PTPRZ1: variants seen among roughly 807,000 people sequenced by gnomAD.
PTPRZ1 encodes protein tyrosine phosphatase receptor type Z1.
PTPRZ1 carries 82 observed loss-of-function variants against 214.1 expected under a neutral mutation model. The observed-to-expected ratio is 0.38, with a 90% CI of 0.32 to 0.46. The LOEUF (loss-of-function observed/expected upper bound fraction) is 0.46, where lower values mean the gene tolerates loss of function less well. Among genes scored for constraint, PTPRZ1 ranks in the 20% least tolerant of loss-of-function variants. The pLI is 1.00. For missense variants in PTPRZ1, 2,603 were observed against 2,748.7 expected (o/e 0.95, Z 1.19); for synonymous variants, 945 against 987.9 (o/e 0.96, Z 0.81).
intron 6 of PTPRZ1, among the ~76,000 whole-genome samples, chr7:121,982,894 C>T (rs934049200): frequency 7.2e-5 from 11 of 152,100 alleles, no homozygotes; most frequent in African/African-American, 2.7e-4. Flanking sequence ...TCTCCTGCCT[C>T]AGACTCTTGA....
Position 121,983,787 on chromosome 7 carries a change from G to A in PTPRZ1, c.742G>A (p.Val248Ile). ...PPCTDTVDWI[V>I]FKDTVSISES... is the part of the protein sequence containing the mutation. ...CTGCACAGACACAGTTGACTGGATT[G>A]TTTTTAAAGATACAGTTAGCATCTC... The change falls in exon 7 of 30, where the codon GTT (valine) becomes ATT (isoleucine). Residue 248 changes from valine (V) to isoleucine (I), a missense_variant. Val to Ile is a conservative substitution (Grantham distance 29). Coordinates refer to ENST00000393386, the MANE Select transcript of PTPRZ1 (RefSeq NM_002851.3). The A allele has an allele frequency of 6.2e-7, 1 of 1,613,338 alleles. No individual in the cohort carries two copies. Among genetic ancestry groups the A allele is most frequent in the Non-Finnish European group, 8.5e-7 (1 of 1,179,850 alleles).
intron 1 of PTPRZ1, among the ~76,000 whole-genome samples, chr7:121,919,977 GA>G (rs199941761): frequency 1.3e-5 from 2 of 150,972 alleles, no homozygotes; most frequent in Admixed American, 6.6e-5. Flanking sequence ...CATTAATATG[GA>G]AAAAAAAATC....
intron 2 of PTPRZ1, among the ~76,000 whole-genome samples, chr7:121,959,786 T>C (rs1157870824): frequency 6.6e-6 from 1 of 152,206 alleles, no homozygotes. Flanking sequence ...AAACTAAAAT[T>C]TGAATCCAAG....
At position 122,040,813 on chromosome 7, in the gene PTPRZ1, C is replaced by T; in HGVS notation, c.5638-3C>T. ...CTGTTATTAACTGTCTGAACTTTTCCAGGGCTCCCAGAAAGGAAGACCCAG... is the reference window on the plus strand; with the variant it reads ...CTGTTATTAACTGTCTGAACTTTTCTAGGGCTCCCAGAAAGGAAGACCCAG... On this transcript the variant is annotated splice_polypyrimidine_tract_variant and splice_region_variant and intron_variant, in intron 20 of 29. Transcript: ENST00000393386. The T allele has an allele frequency of 6.7e-7, 1 of 1,488,180 alleles. No homozygotes were observed. Among genetic ancestry groups the T allele is most frequent in the Non-Finnish European group, 9.0e-7 (1 of 1,106,860 alleles). 92.2% of individuals were successfully genotyped at this position (1,488,180 alleles called of 1,614,324 possible).
chr7:121,900,520 A>G (rs868554118), intron 1 of PTPRZ1, among the ~76,000 whole-genome samples: 16 of 152,168 alleles, frequency 1.1e-4, no homozygotes, highest in Non-Finnish European at 2.1e-4. Context: ...AACTTACCAC[A>G]TGATATGTAA....
intron 13 of PTPRZ1, among the ~76,000 whole-genome samples, chr7:122,019,631 G>A (rs1798957367): frequency 6.6e-6 from 1 of 151,076 alleles, no homozygotes; most frequent in Non-Finnish European, 1.5e-5. Flanking sequence ...ATAATAACAA[G>A]TATTGTTTTT....
intron 8 of PTPRZ1, among the ~76,000 whole-genome samples, chr7:121,989,375 G>GTTTTTTTT (rs11395654): frequency 7.3e-6 from 1 of 137,448 alleles, no homozygotes; most frequent in Non-Finnish European, 1.5e-5. Context: ...TCCTATGAAA[G>GTTTTTTTT]TTTTTTTTTT....
Position 122,044,484 on chromosome 7 carries a change from G to A in PTPRZ1, c.6000G>A (p.Val2000=), listed in dbSNP as rs773314272. 3 of 1,613,906 alleles carry A rather than the reference G, an allele frequency of 1.9e-6. No individual in the cohort carries two copies. The highest frequency in any genetic ancestry group is 4.5e-5 in the East Asian group (2 of 44,868). Residue 2000 remains valine (V), a synonymous_variant, in exon 23 of 30, where the codon GTG becomes GTA. Transcript: ENST00000393386. ...VEAILSKETE[V]LDSHIHAYVN... is the part of the protein sequence containing the mutation. ...CCATACTTAGTAAAGAAACTGAGGT[G>A]CTGGACAGTCATATTCATGCCTATG...
At chr7:121,919,820 ATT>A (rs542387333) in intron 1 of PTPRZ1, among the ~76,000 whole-genome samples, 4 of 150,926 alleles carry the variant, frequency 2.7e-5, no homozygotes, top group African/African-American at 9.8e-5. Context: ...CTATCAATTC[ATT>A]TTTTTAGTAA....
intron 10 of PTPRZ1, among the ~76,000 whole-genome samples, chr7:122,001,608 G>A (rs868760824): frequency 7.2e-5 from 11 of 152,000 alleles, no homozygotes; most frequent in African/African-American, 9.7e-5. Context: ...AAGCAGTTGC[G>A]GTCTACATTG....
chr7:121,965,653 T>C (rs1171686167), intron 2 of PTPRZ1, among the ~76,000 whole-genome samples: 1 of 152,202 alleles, frequency 6.6e-6, no homozygotes, highest in African/African-American at 2.4e-5. Flanking sequence ...CGACTCTCTC[T>C]TCATATTCAT....
At chr7:122,041,853 G>A (rs1799742710) in intron 21 of PTPRZ1, among the ~76,000 whole-genome samples, 1 of 152,180 alleles carries the variant, frequency 6.6e-6, no homozygotes, top group Non-Finnish European at 1.5e-5. Context: ...CTGTTAGCCT[G>A]ATTATAAACT....
At chr7:121,994,872 A>G (rs929825077) in intron 8 of PTPRZ1, among the ~76,000 whole-genome samples, 1 of 152,184 alleles carries the variant, frequency 6.6e-6, no homozygotes, top group African/African-American at 2.4e-5. Flanking sequence ...TTTTATTTCT[A>G]AAGGAACACC....
chr7:121,989,493 G>A (rs900747590), intron 8 of PTPRZ1, among the ~76,000 whole-genome samples: 1 of 151,086 alleles, frequency 6.6e-6, no homozygotes, highest in East Asian at 2.0e-4. Flanking sequence ...TCCTGCCTCA[G>A]CCTCCCAAGT....
At chr7:121,972,894 A>G (rs1290075337) in intron 4 of PTPRZ1, among the ~76,000 whole-genome samples, 4 of 151,546 alleles carry the variant, frequency 2.6e-5, no homozygotes, top group Non-Finnish European at 4.4e-5. Flanking sequence ...AGCAACCCAA[A>G]GTGCCACAAA....
intron 1 of PTPRZ1, among the ~76,000 whole-genome samples, chr7:121,875,422 T>C (rs1055629040): frequency 2.0e-5 from 3 of 152,254 alleles, no homozygotes; most frequent in African/African-American, 7.2e-5. Context: ...ATTATGCCAA[T>C]ATACTAAATA....
At chr7:122,042,527 C>G (rs375127716) in intron 21 of PTPRZ1, 81 bp from the exon 22 acceptor site, 28 of 1,345,624 alleles carry the variant, frequency 2.1e-5, no homozygotes, top group Non-Finnish European at 2.7e-5. Flanking sequence ...TTTTAATCAA[C>G]ATGACAACCA....
intron 2 of PTPRZ1, among the ~76,000 whole-genome samples, chr7:121,954,067 A>G (rs1414009636): frequency 6.6e-6 from 1 of 152,124 alleles, no homozygotes; most frequent in African/African-American, 2.4e-5. Context: ...TTAAATCTTA[A>G]CTTTTAAATC....
intron 8 of PTPRZ1, among the ~76,000 whole-genome samples, chr7:121,988,241 TA>T (rs1345166160): frequency 3.3e-5 from 5 of 152,198 alleles, no homozygotes; most frequent in African/African-American, 1.2e-4. Flanking sequence ...TATCCCCTTC[TA>T]GGGGGGATCA....
Sources: gnomAD v4.1 joint callset for allele counts (sites outside exome capture counted in the v4.1 genomes callset) on GRCh38, gnomAD v4.1.1 for gene constraint, MANE v1.5 for transcripts, NCBI Gene and HGNC (gene_info 2026-07-23, HGNC 2026-07-21) for gene names.